Variants in AASDH observed in about 807,000 individuals in gnomAD.
The protein encoded by AASDH is beta-alanine-activating enzyme.
A neutral mutation model predicts 102.3 loss-of-function variants in AASDH; 81 were observed. That is an observed-to-expected ratio of 0.79 (90% CI 0.66 to 0.95). The LOEUF (loss-of-function observed/expected upper bound fraction) is 0.95. Ranked by LOEUF, AASDH falls within the 40% of genes least tolerant of loss-of-function variation. AASDH has a pLI of 0.00. For missense variants in AASDH, 1,203 were observed against 1,266.2 expected (o/e 0.95, Z 0.76); for synonymous variants, 398 against 454.0 (o/e 0.88, Z 1.57).
rs200221357 is a variant in AASDH, at chr4:56,351,506, C to T, written c.1577-49G>A. On this transcript the variant is annotated intron_variant, in intron 9 of 14. Coordinates refer to ENST00000205214, the MANE Select transcript of AASDH (RefSeq NM_181806.4). ...AATGTTTTAAAACATTTTAAAATTT[C>T]ACTCAAAGCCTTTATATATTCATTA... is the stretch of plus-strand genomic sequence containing the variant. 1.7e-4 allele frequency: 182 copies of T among 1,060,818 alleles called. 2 individuals are homozygous for T. The East Asian group carries it at 4.4e-3, about 26-fold the overall frequency. The allele number at this position is 1,060,818 out of a possible 1,614,324, so 65.7% of individuals were successfully genotyped here.
Position 56,354,753 on chromosome 4 carries a change from C to T in AASDH, c.1162G>A (p.Asp388Asn). Residue 388 changes from aspartate to asparagine, a missense_variant, in exon 7 of 15, where the codon GAT becomes AAT. Coordinates refer to ENST00000205214, the MANE Select transcript of AASDH (RefSeq NM_181806.4). The part of the protein sequence containing the change: ...PLLGTVVEVR[D>N]TNGFTIQEGS... The stretch of plus-strand genomic sequence containing the variant: ...TCCTGAATTGTGAAGCCATTAGTAT[C>T]TCTGACTTCAACTACTGTTCCAAGA... 6.2e-7 allele frequency: 1 copy of T among 1,611,748 alleles called. No individual in the cohort carries two copies. Among genetic ancestry groups the T allele is most frequent in the Non-Finnish European group, 8.5e-7 (1 of 1,179,006 alleles).
chr4:56,364,888 T>G (rs1380665504), intron 5 of AASDH, among the ~76,000 whole-genome samples: 1 of 152,134 alleles, frequency 6.6e-6, no homozygotes, highest in Non-Finnish European at 1.5e-5. Context: ...GAAATGTAAA[T>G]GGGCTAAATG....
intron 5 of AASDH, chr4:56,356,851 G>A: frequency 1.1e-6 from 1 of 884,758 alleles, no homozygotes; most frequent in South Asian, 1.3e-5. Flanking sequence ...GGGCGGCAAT[G>A]TCCTGGCTCC....
chr4:56,351,919 A>C (rs1380796000), intron 9 of AASDH, among the ~76,000 whole-genome samples: 1 of 78,822 alleles, frequency 1.3e-5, no homozygotes, highest in African/African-American at 5.9e-5. Flanking sequence ...CCTATCTCCA[A>C]AAAAAAAAAA....
chr4:56,386,824 GA>G (rs1296427791), intron 1 of AASDH, among the ~76,000 whole-genome samples: 1,768 of 118,572 alleles, frequency 0.015, 54 homozygotes, highest in African/African-American at 0.05. Flanking sequence ...AAAAAAAAAG[GA>G]AAAAAAAAAG....
In AASDH at chr4:56,338,477, C is replaced by T; in HGVS notation, c.3222G>A (p.Leu1074=). ...TACACCCAATAATGAGCATTGATTC[C>T]AGGACCACAGGAGAAGAGAAGACTT... is the stretch of plus-strand genomic sequence containing the variant. The part of the protein sequence containing the change: ...PGEVFSSPVV[L]ESMLIIGCRD... The change falls in exon 15 of 15, where the codon CTG becomes CTA. Residue 1074 remains leucine (L), a synonymous_variant. Coordinates refer to ENST00000205214, the MANE Select transcript of AASDH (RefSeq NM_181806.4). 1 of 1,613,916 alleles carries T rather than the reference C, an allele frequency of 6.2e-7. No homozygotes were observed. The highest frequency in any genetic ancestry group is 8.5e-7 in the Non-Finnish European group (1 of 1,179,980).
intron 4 of AASDH, among the ~76,000 whole-genome samples, chr4:56,376,265 A>C (rs1752329644): frequency 6.6e-6 from 1 of 151,926 alleles, no homozygotes; most frequent in African/African-American, 2.4e-5. Flanking sequence ...GGCTCAAGCG[A>C]TCCTCCTGCC....
chr4:56,358,547 T>TA (rs1560586352), intron 5 of AASDH, among the ~76,000 whole-genome samples: 1 of 151,444 alleles, frequency 6.6e-6, no homozygotes, highest in African/African-American at 2.4e-5. Flanking sequence ...AGGAGCTTTT[T>TA]AAAAAATCAT....
At chr4:56,363,222 C>T (rs868348677) in intron 5 of AASDH, among the ~76,000 whole-genome samples, 3 of 152,200 alleles carry the variant, frequency 2.0e-5, no homozygotes, top group Non-Finnish European at 2.9e-5. Context: ...ACAAAGCAGC[C>T]AGGAAGCTCA....
rs114874101 is a variant in AASDH at position 56,339,279 on chromosome 4, G to A, written c.2908-488C>T. The stretch of plus-strand genomic sequence containing the variant: ...AGCGCTTCTCCCGCCTCAGCCTCCC[G>A]AGTAGCTAGGCGCGTGCCACCACAC... On this transcript the variant is annotated intron_variant, in intron 14 of 14. Transcript: ENST00000205214. Among the ~76,000 whole-genome samples, 1,307 of 151,766 alleles carry A rather than the reference G, an allele frequency of 8.6e-3. 14 individuals are homozygous for A. The highest frequency in any genetic ancestry group is 0.01 in the Middle Eastern group (3 of 294).
intron 5 of AASDH, among the ~76,000 whole-genome samples, chr4:56,370,605 C>G (rs1751577280): frequency 6.6e-6 from 1 of 152,040 alleles, no homozygotes; most frequent in Non-Finnish European, 1.5e-5. Flanking sequence ...CGAGTGGGCC[C>G]CTCGTGAGAG....
At chr4:56,353,302 A>T in intron 9 of AASDH, 102 bp downstream of exon 9, 2 of 971,362 alleles carry the variant, frequency 2.1e-6, no homozygotes, top group Non-Finnish European at 2.9e-6. Context: ...AATAAATGCT[A>T]GTACCATTTA....
At chr4:56,339,030 G>A (rs1021440898) in intron 14 of AASDH, among the ~76,000 whole-genome samples, 1 of 152,166 alleles carries the variant, frequency 6.6e-6, no homozygotes, top group Admixed American at 6.5e-5. Context: ...GTGATTCACT[G>A]CCGTGCATAA....
At position 56,378,448 on chromosome 4, in the gene AASDH, T is replaced by C. The variant is rs1198341119; in HGVS notation, c.368A>G (p.His123Arg). ...TGTATCATAGTTCAATAATGTTTCATGAAAAGATTTAAATTTCTGTGTGAA... is the reference window on the plus strand; with the variant it reads ...TGTATCATAGTTCAATAATGTTTCACGAAAAGATTTAAATTTCTGTGTGAA... ...KKQINKFKSF[H>R]ETLLNYDTFT... The change falls in exon 4 of 15, where the codon CAT (histidine) becomes CGT (arginine). Residue 123 changes from histidine (H) to arginine (R), a missense_variant. Transcript: ENST00000205214. 5.6e-6 allele frequency: 9 copies of C among 1,596,304 alleles called. No homozygotes were observed. The South Asian group carries it at 1.0e-4, about 18-fold the overall frequency.
Position 56,381,854 on chromosome 4 carries a change from A to G in AASDH, c.351+623T>C, listed in dbSNP as rs941270669. 16 of 152,212 alleles carry G rather than the reference A, an allele frequency of 1.1e-4. 1 individual carries two copies. The highest frequency in any genetic ancestry group is 9.2e-4 in the Admixed American group (14 of 15,280). 9.4% of individuals were successfully genotyped at this position (152,212 alleles called of 1,614,324 possible). A position where few individuals can be genotyped will look rare whatever the true frequency, so the allele number is the denominator to read the frequency against. On this transcript the variant is annotated intron_variant, in intron 3 of 14. Coordinates refer to ENST00000205214, the MANE Select transcript of AASDH (RefSeq NM_181806.4). ...ATGAAGCATGGGCTGCATCTTGCTG[A>G]AGATATAACACCAATTCTTGCCCCA...
intron 5 of AASDH, among the ~76,000 whole-genome samples, chr4:56,367,469 A>G (rs1241139033): frequency 1.0e-5 from 1 of 95,460 alleles, no homozygotes; most frequent in East Asian, 2.5e-4. Context: ...TTCAAACTAT[A>G]TGACAAGGCT....
At chr4:56,363,135 C>A (rs1578014332) in intron 5 of AASDH, among the ~76,000 whole-genome samples, 1 of 152,230 alleles carries the variant, frequency 6.6e-6, no homozygotes. Flanking sequence ...GCTAGCACAG[C>A]AGTCTGAGAT....
Position 56,378,135 on chromosome 4 carries a change from G to C in AASDH, c.668+13C>G, listed in dbSNP as rs755980610. 1 of 1,589,136 alleles carries C rather than the reference G, an allele frequency of 6.3e-7. No homozygotes were observed. Among genetic ancestry groups the C allele is most frequent in the Non-Finnish European group, 8.6e-7 (1 of 1,167,846 alleles). On this transcript the variant is annotated intron_variant, in intron 4 of 14. Transcript: ENST00000205214. ...ATATAGATTCTGAGAAAGAGTCAAA[G>C]ACTAGAACTTACCGAAAATGCTGGA...
intron 1 of AASDH, among the ~76,000 whole-genome samples, chr4:56,384,631 G>A (rs978341629): frequency 8.6e-5 from 13 of 151,928 alleles, no homozygotes; most frequent in African/African-American, 2.7e-4. Context: ...CTCTCTCAAC[G>A]GACCACAATG....
Sources: allele counts gnomAD v4.1 joint callset (sites outside exome capture counted in the v4.1 genomes callset), GRCh38; gene constraint gnomAD v4.1.1; transcripts MANE v1.5; gene names NCBI Gene and HGNC (gene_info 2026-07-23, HGNC 2026-07-21).